UGT1A8: variants seen among roughly 807,000 people sequenced by gnomAD.
UGT1A8 encodes UDP-glucuronosyltransferase 1A8.
In UGT1A8, 39 loss-of-function variants were observed where a neutral mutation model predicts 45.3. The observed-to-expected ratio is 0.86, with a 90% CI of 0.67 to 1.12. The LOEUF (loss-of-function observed/expected upper bound fraction) is 1.12, where lower values mean the gene tolerates loss of function less well. UGT1A8 is among the 50% of genes most tolerant of loss of function. UGT1A8 has a pLI of 0.00. For missense variants in UGT1A8, 719 were observed against 664.9 expected (o/e 1.08, Z -0.90); for synonymous variants, 275 against 249.2 (o/e 1.10, Z -0.97).
At position 233,672,059 on chromosome 2, in the gene UGT1A8, G is replaced by A. The variant is rs756014976; in HGVS notation, c.855+53497G>A. 8.2e-5 allele frequency: 133 copies of A among 1,614,052 alleles called. No homozygotes were observed. In the Admixed American group the frequency reaches 2.1e-3, roughly 25 times the overall value. On this transcript the variant is annotated intron_variant, in intron 1 of 4. Transcript: ENST00000373450. ...GATGGGAGCCACTGGTTCACCATGA[G>A]GTCGGTGGTGGAGAAACTCATTCTC...
chr2:233,688,732 T>G (rs1017805179), intron 1 of UGT1A8, among the ~76,000 whole-genome samples: 1 of 152,124 alleles, frequency 6.6e-6, no homozygotes, highest in African/African-American at 2.4e-5. Context: ...AGTCTTTGAG[T>G]GACTGGGATA....
At chr2:233,649,004 A>T in intron 1 of UGT1A8, 1 of 1,368,084 alleles carries the variant, frequency 7.3e-7, no homozygotes, top group Admixed American at 1.8e-5. Flanking sequence ...ATCAACTGCA[A>T]TCAGGGAAAG....
intron 1 of UGT1A8, chr2:233,647,830 T>G (rs1450853545): frequency 1.3e-5 from 13 of 1,013,494 alleles, no homozygotes; most frequent in South Asian, 9.0e-5. Flanking sequence ...CCCCAAAAGC[T>G]AGCTTTGGTG....
intron 1 of UGT1A8, among the ~76,000 whole-genome samples, chr2:233,678,733 C>G (rs185877328): frequency 2.6e-5 from 4 of 151,276 alleles, no homozygotes; most frequent in Admixed American, 1.3e-4. Flanking sequence ...TCATCAAGTA[C>G]TGATTGGAAA....
rs967230937 is a variant in UGT1A8 at position 233,644,771 on chromosome 2, C to CT, written c.855+26219dup. On this transcript the variant is annotated intron_variant, in intron 1 of 4. Coordinates refer to ENST00000373450, the MANE Select transcript of UGT1A8 (RefSeq NM_019076.5). The stretch of plus-strand genomic sequence containing the variant: ...GTTGGGTGACATAGGAGATGCAGAA[C>CT]TTTTTTTTTTCTATTTCTTCAGTGT... Among the ~76,000 whole-genome samples the CT allele has an allele frequency of 2.3e-4, 34 of 149,742 alleles. No individual in the cohort carries two copies. The East Asian group carries it at 4.5e-3, about 20-fold the overall frequency.
At chr2:233,748,049 C>CAA (rs1416676194) in intron 1 of UGT1A8, 1 of 1,613,268 alleles carries the variant, frequency 6.2e-7, no homozygotes, top group African/African-American at 1.3e-5. Flanking sequence ...TTGGGGGCAT[C>CAA]AACTGTGCCA....
intron 1 of UGT1A8, chr2:233,713,940 A>G (rs2076357605): frequency 6.2e-7 from 1 of 1,610,192 alleles, no homozygotes; most frequent in African/African-American, 1.3e-5. Context: ...GTGCTTCCAT[A>G]TCTACTTATC....
chr2:233,714,055 AGAGG>A (rs1305818023), intron 1 of UGT1A8, among the ~76,000 whole-genome samples: 1 of 152,164 alleles, frequency 6.6e-6, no homozygotes, highest in Non-Finnish European at 1.5e-5. Flanking sequence ...ATGGCCACTG[AGAGG>A]AAGGAGAGGC....
chr2:233,713,640 C>A (rs2076335946), intron 1 of UGT1A8: 5 of 1,613,940 alleles, frequency 3.1e-6, no homozygotes, highest in Non-Finnish European at 4.2e-6. Flanking sequence ...CATGCTCTAC[C>A]CTCTGGCCCT....
intron 1 of UGT1A8, among the ~76,000 whole-genome samples, chr2:233,669,164 G>A (rs1234220499): frequency 1.3e-5 from 2 of 152,060 alleles, no homozygotes; most frequent in African/African-American, 2.4e-5. Flanking sequence ...CTATTTCTGG[G>A]TATTCTATTC....
intron 1 of UGT1A8, chr2:233,636,962 T>C (rs779322656): frequency 1.9e-6 from 3 of 1,614,214 alleles, no homozygotes; most frequent in Non-Finnish European, 2.5e-6. Context: ...GCAGTGTTTC[T>C]GGATCCTTTT....
chr2:233,639,864 T>C (rs1299506779), intron 1 of UGT1A8, among the ~76,000 whole-genome samples: 1 of 152,240 alleles, frequency 6.6e-6, no homozygotes, highest in Non-Finnish European at 1.5e-5. Context: ...GTGTGTTGAT[T>C]AGTGATGTGT....
At chr2:233,743,793 C>A (rs768890081) in intron 1 of UGT1A8, 2 of 1,367,374 alleles carry the variant, frequency 1.5e-6, no homozygotes, top group Admixed American at 3.8e-5. Flanking sequence ...CTCCTCTCCG[C>A]TTCCTCCTTG....
At chr2:233,760,630 A>G (rs759620086) in intron 1 of UGT1A8, 1 of 1,614,164 alleles carries the variant, frequency 6.2e-7, no homozygotes, top group South Asian at 1.1e-5. Flanking sequence ...AACATACAAG[A>G]AAATAAAAAA....
At chr2:233,680,384 A>G (rs1029019017) in intron 1 of UGT1A8, among the ~76,000 whole-genome samples, 2 of 152,352 alleles carry the variant, frequency 1.3e-5, no homozygotes, top group African/African-American at 4.8e-5. Flanking sequence ...AGCTCCCTGC[A>G]ATAGCAACAG....
intron 1 of UGT1A8, among the ~76,000 whole-genome samples, chr2:233,628,118 C>T (rs1244391174): frequency 6.6e-6 from 1 of 151,942 alleles, no homozygotes; most frequent in Non-Finnish European, 1.5e-5. Context: ...TTTAATGCTG[C>T]CTCTATATGT....
intron 1 of UGT1A8, among the ~76,000 whole-genome samples, chr2:233,657,916 C>CT (rs904132581): frequency 6.6e-6 from 1 of 151,202 alleles, no homozygotes; most frequent in African/African-American, 2.4e-5. Context: ...AGTTTCTGGG[C>CT]TTTTTTCCAT....
chr2:233,745,507 G>T (rs1198591343), intron 1 of UGT1A8, among the ~76,000 whole-genome samples: 14 of 151,594 alleles, frequency 9.2e-5, no homozygotes, highest in Non-Finnish European at 2.9e-5. Context: ...TTCCTATAGG[G>T]TATTAGGTCT....
intron 1 of UGT1A8, among the ~76,000 whole-genome samples, chr2:233,718,371 GAAGA>G (rs1356722234): frequency 1.3e-5 from 2 of 152,202 alleles, no homozygotes; most frequent in African/African-American, 4.8e-5. Context: ...TCACATATGA[GAAGA>G]AAGAGTTTCA....
Sources: allele counts gnomAD v4.1 joint callset (sites outside exome capture counted in the v4.1 genomes callset), GRCh38; gene constraint gnomAD v4.1.1; transcripts MANE v1.5; gene names NCBI Gene and HGNC (gene_info 2026-07-23, HGNC 2026-07-21).